PIN4: variants seen among roughly 807,000 people sequenced by gnomAD.
PIN4 encodes the protein peptidylprolyl cis/trans isomerase, NIMA-interacting 4, also known as peptidyl-prolyl cis-trans isomerase NIMA-interacting 4.
PIN4 carries 3 observed loss-of-function variants against 8.3 expected under a neutral mutation model. That is an observed-to-expected ratio of 0.36 (90% CI 0.16 to 0.93). The LOEUF is 0.93. Ranked by LOEUF, PIN4 falls within the 40% of genes least tolerant of loss-of-function variation. The pLI, the probability that PIN4 is intolerant of heterozygous loss-of-function variation, is 0.44. For synonymous variants in PIN4, 18 were observed against 32.5 expected, an observed-to-expected ratio of 0.55 and a Z score of 1.52; for missense variants, 75 against 100.6, an observed-to-expected ratio of 0.75 and a Z score of 1.09.
At chrX:72,184,048 T>G (rs1188230779) in intron 1 of PIN4, among the ~76,000 whole-genome samples, 1 of 112,538 alleles carries the variant, frequency 8.9e-6, no homozygotes, top group Non-Finnish European at 1.9e-5. Flanking sequence ...CTACATAATC[T>G]TCACAGTCTG....
intron 3 of PIN4, among the ~76,000 whole-genome samples, chrX:72,245,240 T>A (rs1180966674): frequency 9.3e-6 from 1 of 107,138 alleles, no homozygotes; most frequent in Non-Finnish European, 1.9e-5. Flanking sequence ...AACCTCAGAC[T>A]CCTGAGCTCA....
downstream of PIN4, among the ~76,000 whole-genome samples, chrX:72,201,770 C>T (rs772500966): frequency 2.7e-5 from 3 of 112,906 alleles, no homozygotes; most frequent in African/African-American, 9.7e-5. Context: ...ATAACATGTA[C>T]TGCTAATATT....
downstream of PIN4, among the ~76,000 whole-genome samples, chrX:72,202,575 ACAT>A (rs772350769): frequency 3.1e-3 from 352 of 112,143 alleles, 1 homozygote; most frequent in African/African-American, 0.011. Context: ...TACTCCCTTC[ACAT>A]CATGGTGGGA....
At chrX:72,185,149 A>AAAAAAAAAAC (rs2042694121) in intron 1 of PIN4, among the ~76,000 whole-genome samples, 1 of 101,698 alleles carries the variant, frequency 9.8e-6, no homozygotes, top group Non-Finnish European at 2.0e-5. Context: ...CTCCGTCTCA[A>AAAAAAAAAAC]AAAAAAAAAA....
chrX:72,246,885 C>T (rs2043069143), intron 3 of PIN4, among the ~76,000 whole-genome samples: 1 of 112,029 alleles, frequency 8.9e-6, no homozygotes, highest in Non-Finnish European at 1.9e-5. Context: ...ACCTGTCTGG[C>T]TCCCCCGTGA....
intron 3 of PIN4, chrX:72,256,076 G>A (rs1303897553): frequency 8.9e-6 from 1 of 111,900 alleles, no homozygotes; most frequent in Non-Finnish European, 1.9e-5. Flanking sequence ...AAACATAAAG[G>A]GCCATGATTC....
At chrX:72,205,624 G>T in intron 3 of PIN4, 1 of 1,211,687 alleles carries the variant, frequency 8.3e-7, no homozygotes, top group Non-Finnish European at 1.1e-6. Context: ...AAAGAGAGAT[G>T]TGTTGAATGG....
At chrX:72,243,013 A>AAAAAG (rs200341699) in intron 3 of PIN4, among the ~76,000 whole-genome samples, 15 of 109,248 alleles carry the variant, frequency 1.4e-4, no homozygotes, top group Non-Finnish European at 2.1e-4. Flanking sequence ...ACTCCATCTC[A>AAAAAG]AAAAGAAAAG....
chrX:72,255,840 G>C (rs2043108090), intron 3 of PIN4: 1 of 111,296 alleles, frequency 9.0e-6, no homozygotes, highest in Non-Finnish European at 1.9e-5. Context: ...GGAGAGGTGG[G>C]GGAAAGCAGA....
At chrX:72,256,507 A>G (rs1339706087) in intron 3 of PIN4, among the ~76,000 whole-genome samples, 1 of 111,575 alleles carries the variant, frequency 9.0e-6, no homozygotes, top group Non-Finnish European at 1.9e-5. Context: ...AATTGGATGA[A>G]GCCTGAGGGC....
At chrX:72,219,887 T>C (rs1436204155) in intron 3 of PIN4, among the ~76,000 whole-genome samples, 3 of 110,164 alleles carry the variant, frequency 2.7e-5, no homozygotes, top group Non-Finnish European at 5.7e-5. Context: ...AATGTTGAAT[T>C]ATAATGTGAA....
At chrX:72,187,134 A>G in intron 2 of PIN4, among the ~76,000 whole-genome samples, 1 of 111,749 alleles carries the variant, frequency 8.9e-6, no homozygotes, top group Admixed American at 9.6e-5. Flanking sequence ...ATAATATTTT[A>G]TAAAACCAAG....
intron 3 of PIN4, among the ~76,000 whole-genome samples, chrX:72,244,421 G>A (rs1262986379): frequency 8.9e-6 from 1 of 112,005 alleles, no homozygotes; most frequent in Non-Finnish European, 1.9e-5. Flanking sequence ...AGAGGGAATA[G>A]CATGATCAAA....
intron 3 of PIN4, among the ~76,000 whole-genome samples, chrX:72,236,526 C>G (rs1488033370): frequency 9.0e-6 from 1 of 111,499 alleles, no homozygotes; most frequent in African/African-American, 3.3e-5. Context: ...GAACTCCTGA[C>G]CTCGTGATGC....
chrX:72,257,177 C>G (rs144483894), intron 3 of PIN4, among the ~76,000 whole-genome samples: 4 of 110,513 alleles, frequency 3.6e-5, no homozygotes, highest in Non-Finnish European at 7.6e-5. Flanking sequence ...AAAAATTAGC[C>G]GGGCGTGGTG....
At chrX:72,218,504 T>C (rs1268019295) in intron 3 of PIN4, among the ~76,000 whole-genome samples, 2 of 108,017 alleles carry the variant, frequency 1.9e-5, no homozygotes, top group Admixed American at 9.9e-5. Context: ...TCTTTTTTTT[T>C]TTTTTGGAAA....
intron 3 of PIN4, among the ~76,000 whole-genome samples, chrX:72,230,606 G>C (rs1416596694): frequency 8.9e-6 from 1 of 112,236 alleles, no homozygotes; most frequent in African/African-American, 3.2e-5. Flanking sequence ...ACTCTTACAA[G>C]TGTTGGCAAG....
chrX:72,183,618 A>G (rs761282517), intron 1 of PIN4, among the ~76,000 whole-genome samples: 54 of 112,164 alleles, frequency 4.8e-4, no homozygotes, highest in Non-Finnish European at 8.1e-4. Context: ...AAGCCAGATT[A>G]CCGTGACTAG....
chrX:72,235,090 C>A (rs753236973), intron 3 of PIN4, among the ~76,000 whole-genome samples: 15 of 112,168 alleles, frequency 1.3e-4, no homozygotes, highest in Non-Finnish European at 2.3e-4. Flanking sequence ...CGTTACAAAT[C>A]ATCACAAATG....
Sources: allele counts gnomAD v4.1 joint callset (sites outside exome capture counted in the v4.1 genomes callset), GRCh38; gene constraint gnomAD v4.1.1; transcripts MANE v1.5; gene names NCBI Gene and HGNC (gene_info 2026-07-23, HGNC 2026-07-21).